The following XKR6 variants were observed in gnomAD, a reference collection of about 807,000 sequenced individuals.
The protein encoded by XKR6 is XK related 6, also known as XK-related protein 6.
A neutral mutation model predicts 56.7 loss-of-function variants in XKR6; 22 were observed. That is an observed-to-expected ratio of 0.39 (90% confidence interval 0.28 to 0.55). XKR6 has a LOEUF of 0.55. XKR6 is among the 20% of genes least tolerant of loss of function. The probability of loss-of-function intolerance (pLI) is 0.66; values close to 1 mark genes in which losing one functional copy is unlikely to be tolerated. For synonymous variants in XKR6, 524 were observed against 387.8 expected, an observed-to-expected ratio of 1.35 and a Z score of -4.13; for missense variants, 852 against 889.0, an observed-to-expected ratio of 0.96 and a Z score of 0.53.
chr8:10,912,861 G>A (rs1800446866), intron 2 of XKR6, among the ~76,000 whole-genome samples: 1 of 123,724 alleles, frequency 8.1e-6, no homozygotes, highest in Non-Finnish European at 1.7e-5. Context: ...TAGGGTGTGT[G>A]TATAGATAGA....
chr8:10,994,277 C>T (rs915540684), intron 1 of XKR6, among the ~76,000 whole-genome samples: 34 of 152,362 alleles, frequency 2.2e-4, no homozygotes, highest in African/African-American at 7.9e-4. Context: ...TGAGTTGCTG[C>T]ACTGTCTTCA....
intron 1 of XKR6, among the ~76,000 whole-genome samples, chr8:11,005,714 A>C (rs1798352180): frequency 6.6e-6 from 1 of 152,194 alleles, no homozygotes; most frequent in African/African-American, 2.4e-5. Flanking sequence ...ATTATAAGAT[A>C]GGAATCAAAT....
chr8:11,062,872 G>C (rs1424872966), intron 1 of XKR6: 1 of 456,024 alleles, frequency 2.2e-6, no homozygotes. Context: ...GAGTGGAAGT[G>C]GGTGTCCCTT....
At chr8:11,125,809 A>G (rs1799750843) in intron 1 of XKR6, 1 of 152,198 alleles carries the variant, frequency 6.6e-6, no homozygotes, top group African/African-American at 2.4e-5. Context: ...AGTTTACCAA[A>G]GCCTCTCATA....
intron 2 of XKR6, among the ~76,000 whole-genome samples, chr8:10,911,062 G>A (rs753190823): frequency 6.6e-5 from 10 of 152,262 alleles, no homozygotes; most frequent in East Asian, 5.8e-4. Flanking sequence ...CACAGGTTCC[G>A]TACAAACAGC....
chr8:10,993,952 C>A (rs143952005), intron 1 of XKR6, among the ~76,000 whole-genome samples: 23 of 152,306 alleles, frequency 1.5e-4, no homozygotes, highest in African/African-American at 4.6e-4. Flanking sequence ...CTCAGCAAAC[C>A]TCTGTGCCCA....
intron 1 of XKR6, among the ~76,000 whole-genome samples, chr8:11,027,456 G>A (rs1237150386): frequency 6.6e-6 from 1 of 151,992 alleles, no homozygotes; most frequent in African/African-American, 2.4e-5. Context: ...TATTCCTATT[G>A]GCCAATGCAG....
chr8:11,201,733 G>C lies in XKR6; in HGVS notation c.-394C>G, dbSNP rs775810067. 1.1e-4 allele frequency among the ~76,000 whole-genome samples: 16 copies of C among 152,190 alleles called. No individual in the cohort carries two copies. Among genetic ancestry groups the C allele is most frequent in the Non-Finnish European group, 1.5e-4 (10 of 68,032 alleles). On this transcript the variant is annotated 5_prime_UTR_variant, in exon 1 of 3. Coordinates refer to ENST00000416569, the MANE Select transcript of XKR6 (RefSeq NM_173683.4). ...AGAATCCGGCTGGCCCGAGTGAGGC[G>C]GTCCAAAGTGATCCCTGGAGGGGGC...
At chr8:11,045,948 G>C (rs1799400987) in intron 1 of XKR6, among the ~76,000 whole-genome samples, 1 of 152,218 alleles carries the variant, frequency 6.6e-6, no homozygotes, top group South Asian at 2.1e-4. Context: ...GTGTTGTCAA[G>C]GATGCAGAGA....
chr8:10,932,425 C>CT (rs71203361), intron 1 of XKR6, among the ~76,000 whole-genome samples: 66,368 of 145,362 alleles, frequency 0.46, 15,781 homozygotes, highest in Middle Eastern at 0.53. Flanking sequence ...TTTTCTTTTT[C>CT]TTTTTTTTTT....
intron 1 of XKR6, among the ~76,000 whole-genome samples, chr8:11,043,246 A>G (rs532777857): frequency 8.5e-5 from 13 of 152,108 alleles, no homozygotes; most frequent in Admixed American, 1.3e-4. Context: ...GAACACTCTT[A>G]GCGTGAGCAC....
intron 1 of XKR6, among the ~76,000 whole-genome samples, chr8:11,163,558 A>C (rs1272645043): frequency 6.6e-6 from 1 of 152,218 alleles, no homozygotes; most frequent in Admixed American, 6.5e-5. Flanking sequence ...GTCCTACAAC[A>C]AAGTCTAAGG....
At chr8:11,128,976 A>G (rs73547414) in intron 1 of XKR6, 11,769 of 456,558 alleles carry the variant, frequency 0.026, 243 homozygotes, top group African/African-American at 0.059. Context: ...AAGAATTAAG[A>G]TTTTTGGTTT....
At chr8:11,073,044 C>A (rs1800174901) in intron 1 of XKR6, among the ~76,000 whole-genome samples, 1 of 150,428 alleles carries the variant, frequency 6.6e-6, no homozygotes, top group African/African-American at 2.5e-5. Context: ...AGCGAGACTC[C>A]ATCTCAAAAA....
chr8:11,123,624 A>T, intron 1 of XKR6: 1 of 328,438 alleles, frequency 3.0e-6, no homozygotes, highest in South Asian at 2.5e-5. Context: ...TGCAGAGTTT[A>T]AGATACTTGG....
chr8:11,183,468 C>A (rs1272015774), intron 1 of XKR6, among the ~76,000 whole-genome samples: 1 of 151,660 alleles, frequency 6.6e-6, no homozygotes, highest in Non-Finnish European at 1.5e-5. Context: ...TGCGCCACCA[C>A]ACCTGTCTAG....
intron 1 of XKR6, among the ~76,000 whole-genome samples, chr8:11,149,930 C>T (rs967397635): frequency 6.6e-6 from 1 of 152,168 alleles, no homozygotes; most frequent in African/African-American, 2.4e-5. Flanking sequence ...CCGTTTGCAG[C>T]GTCATGGATG....
intron 2 of XKR6, among the ~76,000 whole-genome samples, chr8:10,924,203 G>A (rs996314924): frequency 6.6e-6 from 1 of 152,252 alleles, no homozygotes; most frequent in Non-Finnish European, 1.5e-5. Flanking sequence ...GAGCACCACA[G>A]TTTAAAGGGT....
chr8:11,144,365 T>C (rs1330583325), intron 1 of XKR6, among the ~76,000 whole-genome samples: 1 of 150,130 alleles, frequency 6.7e-6, no homozygotes, highest in Non-Finnish European at 1.5e-5. Flanking sequence ...GAAGTGATGA[T>C]ACTAGATGAG....
Sources: gnomAD v4.1 joint callset for allele counts (sites outside exome capture counted in the v4.1 genomes callset) on GRCh38, gnomAD v4.1.1 for gene constraint, MANE v1.5 for transcripts, NCBI Gene and HGNC (gene_info 2026-07-23, HGNC 2026-07-21) for gene names.